CSMD1: variants seen among roughly 807,000 people sequenced by gnomAD.
The protein encoded by CSMD1 is CUB and Sushi multiple domains 1.
Under a neutral mutation model 417.5 loss-of-function variants are expected in CSMD1, and 213 were observed. That is an observed-to-expected ratio of 0.51 (90% confidence interval 0.46 to 0.57). The LOEUF (loss-of-function observed/expected upper bound fraction) is 0.57. CSMD1 is among the 20% of genes least tolerant of loss of function. The pLI is 0.00. For missense variants in CSMD1, 6,923 were observed against 4,529.7 expected (o/e 1.53, Z -15.17); for synonymous variants, 2,862 against 1,736.8 (o/e 1.65, Z -16.11).
chr8:3,775,123 G>A (rs554394554), intron 5 of CSMD1, among the ~76,000 whole-genome samples: 18 of 152,302 alleles, frequency 1.2e-4, no homozygotes, highest in African/African-American at 2.9e-4. Flanking sequence ...GCTGTTGACC[G>A]TAGGTAACTG....
intron 1 of CSMD1, among the ~76,000 whole-genome samples, chr8:4,711,569 T>G (rs562561713): frequency 1.3e-5 from 2 of 152,172 alleles, no homozygotes; most frequent in African/African-American, 2.4e-5. Context: ...ACAGAGAAAT[T>G]TGAAAAAAAA....
chr8:4,113,066 A>AC (rs1405920838), intron 3 of CSMD1, among the ~76,000 whole-genome samples: 7 of 152,006 alleles, frequency 4.6e-5, no homozygotes, highest in African/African-American at 1.7e-4. Context: ...TGCCACAAAC[A>AC]CCCCCATGTA....
At chr8:3,086,404 G>A (rs1178510242) in intron 49 of CSMD1, among the ~76,000 whole-genome samples, 2 of 152,026 alleles carry the variant, frequency 1.3e-5, no homozygotes, top group South Asian at 2.1e-4. Flanking sequence ...GTCTCACAAA[G>A]CAATACCAGA....
rs182983455 is a variant in CSMD1 at position 4,982,316 on chromosome 8, T to C, written c.85+12016A>G. Among the ~76,000 whole-genome samples, 120 of 152,368 alleles carry C rather than the reference T, an allele frequency of 7.9e-4. 1 individual carries two copies. Among genetic ancestry groups the C allele is most frequent in the African/African-American group, 2.8e-3 (117 of 41,582 alleles). ...TTCAAATGGGAGATTGCTCCCCCAA[T>C]CTGTCCTTCTATGTAGCTCTGTTTT... On this transcript the variant is annotated intron_variant, in intron 1 of 69. Transcript: ENST00000635120.
intron 3 of CSMD1, among the ~76,000 whole-genome samples, chr8:4,042,074 C>G (rs141314201): frequency 1.3e-5 from 2 of 152,126 alleles, no homozygotes; most frequent in Admixed American, 6.5e-5. Context: ...ATTAAACTCA[C>G]TGAAGGCAGG....
chr8:3,976,717 C>A (rs1813463312), intron 5 of CSMD1, among the ~76,000 whole-genome samples: 1 of 152,164 alleles, frequency 6.6e-6, no homozygotes, highest in Non-Finnish European at 1.5e-5. Context: ...TTAATCTCCA[C>A]AAGAACCCTA....
intron 1 of CSMD1, among the ~76,000 whole-genome samples, chr8:4,819,584 T>C (rs575137690): frequency 5.3e-5 from 8 of 152,314 alleles, no homozygotes; most frequent in Admixed American, 2.6e-4. Context: ...TGTGTGTATC[T>C]TGTTAAGCAT....
chr8:3,900,713 T>C (rs1012211272), intron 5 of CSMD1, among the ~76,000 whole-genome samples: 14 of 151,954 alleles, frequency 9.2e-5, no homozygotes, highest in African/African-American at 3.4e-4. Flanking sequence ...TGGATGACTG[T>C]GTAGCTGGGT....
Position 3,436,819 on chromosome 8 carries a change from T to C in CSMD1, c.1562-27214A>G, listed in dbSNP as rs118096959. 3.4e-3 allele frequency among the ~76,000 whole-genome samples: 515 copies of C among 152,310 alleles called. 2 individuals are homozygous for C. Among genetic ancestry groups the C allele is most frequent in the South Asian group, 0.022 (108 of 4,824 alleles). Reference sequence around the variant, plus strand: ...TCAAAACAAACACTGTCCATGGCTATAGATTTTTGTCAGTATGCTAATATG... The same window carrying C: ...TCAAAACAAACACTGTCCATGGCTACAGATTTTTGTCAGTATGCTAATATG... On this transcript the variant is annotated intron_variant, in intron 12 of 69. Coordinates refer to ENST00000635120, the MANE Select transcript of CSMD1 (RefSeq NM_033225.6).
chr8:4,443,774 C>T (rs541386979), intron 2 of CSMD1, among the ~76,000 whole-genome samples: 2 of 152,186 alleles, frequency 1.3e-5, no homozygotes, highest in African/African-American at 4.8e-5. Context: ...CATTCTATCT[C>T]TACCAAGTGT....
intron 18 of CSMD1, among the ~76,000 whole-genome samples, chr8:3,381,927 A>G (rs1181896699): frequency 6.6e-6 from 1 of 152,168 alleles, no homozygotes; most frequent in Non-Finnish European, 1.5e-5. Flanking sequence ...TATACACAAC[A>G]TGCATTGTTC....
chr8:4,542,366 G>A (rs369022542), intron 2 of CSMD1, among the ~76,000 whole-genome samples: 28 of 151,616 alleles, frequency 1.8e-4, no homozygotes, highest in African/African-American at 6.8e-4. Flanking sequence ...CAAAAAAAAA[G>A]TTTTAATTTT....
intron 7 of CSMD1, among the ~76,000 whole-genome samples, chr8:3,675,518 T>A (rs1380635579): frequency 6.6e-6 from 1 of 152,138 alleles, no homozygotes; most frequent in Admixed American, 6.6e-5. Context: ...GAAGCCCCAA[T>A]CTCCAATGAG....
intron 52 of CSMD1, among the ~76,000 whole-genome samples, chr8:3,004,332 A>G (rs1807688124): frequency 6.6e-6 from 1 of 152,214 alleles, no homozygotes; most frequent in African/African-American, 2.4e-5. Flanking sequence ...AACAACAGTC[A>G]CAGCTCGGAC....
chr8:4,486,573 G>A (rs1801427925), intron 2 of CSMD1, among the ~76,000 whole-genome samples: 1 of 151,892 alleles, frequency 6.6e-6, no homozygotes, highest in Non-Finnish European at 1.5e-5. Context: ...GCTTATCAAT[G>A]CATATATAAG....
At chr8:4,969,668 G>A (rs1339388481) in intron 1 of CSMD1, among the ~76,000 whole-genome samples, 1 of 152,000 alleles carries the variant, frequency 6.6e-6, no homozygotes, top group Non-Finnish European at 1.5e-5. Flanking sequence ...TGATTTCGAG[G>A]TGTGTCAATA....
intron 3 of CSMD1, among the ~76,000 whole-genome samples, chr8:4,371,208 C>A (rs1022109107): frequency 2.0e-5 from 3 of 152,160 alleles, no homozygotes; most frequent in African/African-American, 7.2e-5. Context: ...CTCCACACTG[C>A]TGGGCTACAT....
rs1037388457 is a variant in CSMD1 at position 3,367,354 on chromosome 8, G to C, written c.2900-107C>G. On this transcript the variant is annotated intron_variant, in intron 19 of 69. Coordinates refer to ENST00000635120, the MANE Select transcript of CSMD1 (RefSeq NM_033225.6). ...GAGAGACAGAGACATAGAGATGACA[G>C]AGATGGAGAGGAAGAGAAAATAAGA... 1.4e-5 allele frequency: 10 copies of C among 698,240 alleles called. No homozygotes were observed. In the African/African-American group the frequency reaches 1.8e-4, roughly 12 times the overall value. The allele number at this position is 698,240 out of a possible 1,614,324, so 43.3% of individuals were successfully genotyped here.
At chr8:4,656,876 C>T (rs1247367689) in intron 1 of CSMD1, among the ~76,000 whole-genome samples, 1 of 152,048 alleles carries the variant, frequency 6.6e-6, no homozygotes, top group African/African-American at 2.4e-5. Context: ...TCAGCAGGGG[C>T]CCCCAACATC....
Sources: gnomAD v4.1 joint callset for allele counts (sites outside exome capture counted in the v4.1 genomes callset) on GRCh38, gnomAD v4.1.1 for gene constraint, MANE v1.5 for transcripts, NCBI Gene and HGNC (gene_info 2026-07-23, HGNC 2026-07-21) for gene names.